Variants in NR2F1-AS1 observed in about 807,000 individuals in gnomAD.
NR2F1-AS1 encodes the protein NR2F1 antisense RNA 1.
rs1752965045 is a variant in NR2F1-AS1, at chr5:93,579,277, C to A, written n.313+1190G>T. 6.6e-6 allele frequency among the ~76,000 whole-genome samples: 1 copy of A among 152,178 alleles called. No individual in the cohort carries two copies. The highest frequency in any genetic ancestry group is 1.5e-5 in the Non-Finnish European group (1 of 68,034). ...GGGCTTCCGCTGCTCCGGGCATCACCACCAACAGCTTCCCACTCCCACCCC... is the reference window on the plus strand; with the variant it reads ...GGGCTTCCGCTGCTCCGGGCATCACAACCAACAGCTTCCCACTCCCACCCC... On this transcript the variant is annotated intron_variant and non_coding_transcript_variant, in intron 1 of 5. Coordinates refer to ENST00000660523, the Ensembl canonical transcript of NR2F1-AS1. The surrounding 1 kb of genome is among the most constrained non-coding windows in gnomAD (Gnocchi z 5.1).
intron 4 of NR2F1-AS1, among the ~76,000 whole-genome samples, chr5:93,528,080 T>A (rs554586931): frequency 8.9e-4 from 135 of 152,056 alleles, no homozygotes; most frequent in Middle Eastern, 6.8e-3. Flanking sequence ...TGGGAGAAAA[T>A]TTTTGCAATC....
At chr5:93,492,698 G>A (rs1750877209) in intron 4 of NR2F1-AS1, among the ~76,000 whole-genome samples, 3 of 152,134 alleles carry the variant, frequency 2.0e-5, no homozygotes, top group Non-Finnish European at 4.4e-5. Context: ...ACGACCAAAT[G>A]AAGTGTAACT....
intron 4 of NR2F1-AS1, among the ~76,000 whole-genome samples, chr5:93,529,299 T>C (rs73133280): frequency 0.11 from 16,023 of 152,098 alleles, 949 homozygotes; most frequent in Middle Eastern, 0.16. Context: ...GTACTGAGAC[T>C]GAAAGGAGCC....
intron 4 of NR2F1-AS1, among the ~76,000 whole-genome samples, chr5:93,527,662 G>C (rs1469970240): frequency 1.3e-5 from 2 of 152,064 alleles, no homozygotes; most frequent in Admixed American, 6.5e-5. Flanking sequence ...TAGACCAATG[G>C]AACAGAACAG....
At chr5:93,563,021 C>A (rs992238203) in intron 2 of NR2F1-AS1, among the ~76,000 whole-genome samples, 1 of 152,184 alleles carries the variant, frequency 6.6e-6, no homozygotes, top group African/African-American at 2.4e-5. Context: ...TTGTAAGTCA[C>A]AGCTACAAAT....
At chr5:93,483,353 G>C (rs1440372862) in intron 4 of NR2F1-AS1, among the ~76,000 whole-genome samples, 1 of 152,186 alleles carries the variant, frequency 6.6e-6, no homozygotes, top group Non-Finnish European at 1.5e-5. Flanking sequence ...TGCAGCAGAG[G>C]GGCCTAACTA....
chr5:93,582,040 C>T (rs1295391067), upstream of NR2F1-AS1, among the ~76,000 whole-genome samples: 1 of 140,408 alleles, frequency 7.1e-6, no homozygotes, highest in Non-Finnish European at 1.6e-5. Context: ...GCGCGCTCTC[C>T]TCTCTCCTCT....
chr5:93,415,903 GA>G (rs1188898353), intron 4 of NR2F1-AS1, among the ~76,000 whole-genome samples: 2 of 152,268 alleles, frequency 1.3e-5, no homozygotes, highest in East Asian at 3.9e-4. Context: ...GAGTTTTCAG[GA>G]AAACACATTT....
intron 4 of NR2F1-AS1, among the ~76,000 whole-genome samples, chr5:93,551,704 G>C (rs1462126695): frequency 6.6e-6 from 1 of 151,988 alleles, no homozygotes; most frequent in Non-Finnish European, 1.5e-5. Context: ...CTGATTATAA[G>C]ACAAGATCTC....
intron 1 of NR2F1-AS1, among the ~76,000 whole-genome samples, chr5:93,575,068 T>A (rs1752866602): frequency 6.6e-6 from 1 of 152,280 alleles, no homozygotes; most frequent in Non-Finnish European, 1.5e-5. Context: ...CTCTGCGATC[T>A]GGAGCCAGAG....
chr5:93,574,352 A>T (rs1752846237), intron 1 of NR2F1-AS1, among the ~76,000 whole-genome samples: 1 of 152,226 alleles, frequency 6.6e-6, no homozygotes, highest in South Asian at 2.1e-4. Context: ...TAACCGGAGA[A>T]AACTGCTCAG....
intron 4 of NR2F1-AS1, among the ~76,000 whole-genome samples, chr5:93,526,920 C>T (rs979653099): frequency 6.6e-6 from 1 of 152,066 alleles, no homozygotes; most frequent in Non-Finnish European, 1.5e-5. Flanking sequence ...GGAAGCATTC[C>T]CTTGGAAAAT....
intron 4 of NR2F1-AS1, among the ~76,000 whole-genome samples, chr5:93,424,046 T>C (rs1749145297): frequency 6.6e-6 from 1 of 152,140 alleles, no homozygotes; most frequent in Non-Finnish European, 1.5e-5. Context: ...TTGAGAATCA[T>C]TACATATGTG....
At chr5:93,515,148 C>T (rs1252991096) in intron 4 of NR2F1-AS1, among the ~76,000 whole-genome samples, 1 of 151,910 alleles carries the variant, frequency 6.6e-6, no homozygotes, top group Non-Finnish European at 1.5e-5. Flanking sequence ...AGCATATGGA[C>T]TTATTCCACT....
intron 4 of NR2F1-AS1, among the ~76,000 whole-genome samples, chr5:93,549,180 A>T (rs540547400): frequency 1.3e-5 from 2 of 152,320 alleles, no homozygotes; most frequent in Non-Finnish European, 2.9e-5. Flanking sequence ...AGAACTTTAG[A>T]TAATTTTAAA....
intron 4 of NR2F1-AS1, among the ~76,000 whole-genome samples, chr5:93,494,933 G>A (rs1750927094): frequency 6.6e-6 from 1 of 152,084 alleles, no homozygotes; most frequent in Non-Finnish European, 1.5e-5. Flanking sequence ...GTGAAAGAAA[G>A]TAGAACAACA....
chr5:93,562,882 T>A (rs1291878278), intron 2 of NR2F1-AS1, among the ~76,000 whole-genome samples: 2 of 152,230 alleles, frequency 1.3e-5, no homozygotes, highest in Non-Finnish European at 2.9e-5. Context: ...AATGGTCACA[T>A]AATTCTCCTA....
At chr5:93,556,549 G>T (rs548580036) in intron 2 of NR2F1-AS1, among the ~76,000 whole-genome samples, 1 of 152,282 alleles carries the variant, frequency 6.6e-6, no homozygotes, top group South Asian at 2.1e-4. Context: ...TTTGGAGACA[G>T]GATCTTTGCA....
chr5:93,514,464 C>T (rs1217268298), intron 4 of NR2F1-AS1, among the ~76,000 whole-genome samples: 1 of 152,100 alleles, frequency 6.6e-6, no homozygotes, highest in Non-Finnish European at 1.5e-5. Context: ...ATTCAGGGAG[C>T]TCTATGAGTG....
Sources: gnomAD v4.1 joint callset for allele counts (sites outside exome capture counted in the v4.1 genomes callset) on GRCh38, gnomAD v4.1.1 for gene constraint, Gnocchi (gnomAD v3.1) non-coding constraint, MANE v1.5 for transcripts, NCBI Gene and HGNC (gene_info 2026-07-23, HGNC 2026-07-21) for gene names.